The following FMO3 variants were observed in gnomAD, a reference collection of about 807,000 sequenced individuals.
FMO3 encodes the protein flavin-containing monooxygenase 3.
FMO3 carries 40 observed loss-of-function variants against 39.4 expected under a neutral mutation model. The observed-to-expected ratio is 1.02, with a 90% CI of 0.79 to 1.32. The LOEUF (loss-of-function observed/expected upper bound fraction) is 1.32. FMO3 is among the 40% of genes most tolerant of loss of function. The pLI is 0.00. For missense variants in FMO3, 680 were observed against 651.8 expected (o/e 1.04, Z -0.47); for synonymous variants, 219 against 228.8 (o/e 0.96, Z 0.39).
rs1440068166 is a variant in FMO3, at chr1:171,114,048, C to T, written c.869C>T (p.Ala290Val). ...CCTGTATTTAACGATGAGCTCCCAG[C>T]AAGCATTCTGTGTGGCATTGTGTCC... The part of the protein sequence containing the change: ...KEPVFNDELP[A>V]SILCGIVSVK... Residue 290 changes from alanine (A) to valine (V), a missense_variant, in exon 7 of 9, where the codon GCA becomes GTA. By Grantham distance (64) the Ala-to-Val change is moderately conservative (BLOSUM62 0). Coordinates refer to ENST00000367755, the MANE Select transcript of FMO3 (RefSeq NM_001002294.3). The T allele has an allele frequency of 6.2e-7, 1 of 1,612,294 alleles. No individual in the cohort carries two copies. Among genetic ancestry groups the T allele is most frequent in the African/African-American group, 1.3e-5 (1 of 74,792 alleles).
Position 171,107,893 on chromosome 1 carries a change from T to C in FMO3, c.484+56T>C. ...TAACTGACAAAAATGAATATCTTGA[T>C]AATGTCTTCTTTTTTCTAAAAGTAT... On this transcript the variant is annotated intron_variant, in intron 4 of 8. Coordinates refer to ENST00000367755, the MANE Select transcript of FMO3 (RefSeq NM_001002294.3). 3 of 1,540,096 alleles carry C rather than the reference T, an allele frequency of 1.9e-6. No individual in the cohort carries two copies. In the Admixed American group the frequency reaches 5.1e-5, roughly 26 times the overall value.
intron 8 of FMO3, 111 bp from the exon 9 acceptor site, chr1:171,116,989 G>T (rs1236420595): frequency 2.4e-6 from 2 of 822,462 alleles, no homozygotes; most frequent in Non-Finnish European, 4.2e-6. Flanking sequence ...TTTAGAAAGA[G>T]AGAGAGATTG....
At chr1:171,107,432 C>T (rs1426566539) in intron 3 of FMO3, among the ~76,000 whole-genome samples, 1 of 152,104 alleles carries the variant, frequency 6.6e-6, no homozygotes, top group African/African-American at 2.4e-5. Flanking sequence ...AATTCACTGC[C>T]ATATCTCCAA....
At position 171,111,053 on chromosome 1, in the gene FMO3, C is replaced by T. The variant is rs915756249; in HGVS notation, c.827+56C>T. On this transcript the variant is annotated intron_variant, in intron 6 of 8. Transcript: ENST00000367755. ...TGGCTTTTAGTTCAGTGTCAACAAC[C>T]CTTAATGTCCTGTAAGCCCAAAACA... 1.8e-5 allele frequency: 25 copies of T among 1,376,926 alleles called. No individual in the cohort carries two copies. The East Asian group carries it at 4.6e-4, about 25-fold the overall frequency. The allele number at this position is 1,376,926 out of a possible 1,614,324, so 85.3% of individuals were successfully genotyped here.
At chr1:171,098,318 T>C (rs1432113000) in intron 2 of FMO3, among the ~76,000 whole-genome samples, 5 of 152,224 alleles carry the variant, frequency 3.3e-5, no homozygotes, top group Non-Finnish European at 7.3e-5. Flanking sequence ...TTTTTTCAAT[T>C]ATGTGAAGAA....
At position 171,116,255 on chromosome 1, in the gene FMO3, G is replaced by A. The variant is rs1464657042; in HGVS notation, c.1231G>A (p.Glu411Lys). The change falls in exon 8 of 9, where the codon GAG becomes AAG. Residue 411 changes from glutamate to lysine, a missense_variant. Coordinates refer to ENST00000367755, the MANE Select transcript of FMO3 (RefSeq NM_001002294.3). The part of the protein sequence containing the change: ...SMEDMMNDIN[E>K]KMEKKRKWFG... ...GGAAGACATGATGAATGATATTAAT[G>A]AGAAAATGGAGAAAAAGCGCAAATG... 4.4e-6 allele frequency: 7 copies of A among 1,599,462 alleles called. No homozygotes were observed. The highest frequency in any genetic ancestry group is 5.1e-6 in the Non-Finnish European group (6 of 1,167,178).
chr1:171,107,786 G>C lies in FMO3; in HGVS notation c.433G>C (p.Val145Leu). 6.2e-7 allele frequency: 1 copy of C among 1,613,922 alleles called. No homozygotes were observed. Among genetic ancestry groups the C allele is most frequent in the Non-Finnish European group, 8.5e-7 (1 of 1,179,908 alleles). ...KESAVFDAVM[V>L]CSGHHVYPNL... ...ATCGGCTGTCTTTGATGCTGTAATG[G>C]TTTGTTCCGGACATCATGTGTATCC... The change falls in exon 4 of 9, where the codon GTT becomes CTT. Residue 145 changes from valine (V) to leucine (L), a missense_variant. Val to Leu is a conservative substitution (Grantham distance 32). Coordinates refer to ENST00000367755, the MANE Select transcript of FMO3 (RefSeq NM_001002294.3).
At chr1:171,097,835 CT>C (rs1655177664) in intron 2 of FMO3, among the ~76,000 whole-genome samples, 1 of 151,964 alleles carries the variant, frequency 6.6e-6, no homozygotes, top group African/African-American at 2.4e-5. Flanking sequence ...GTTGCCATTG[CT>C]TTTGGTATTT....
chr1:171,117,215 G>T lies in FMO3; in HGVS notation c.1372G>T (p.Ala458Ser). 1 of 1,614,128 alleles carries T rather than the reference G, an allele frequency of 6.2e-7. No individual in the cohort carries two copies. The highest frequency in any genetic ancestry group is 1.3e-5 in the African/African-American group (1 of 75,046). Residue 458 changes from alanine to serine, a missense_variant, in exon 9 of 9, where the codon GCC becomes TCC. Ala to Ser is a moderately conservative substitution (Grantham distance 99). Transcript: ENST00000367755. ...GCTGTTTCTCACAGATCCCAAATTG[G>T]CCATGGAAGTTTATTTTGGCCCTTG... Reference protein sequence around the residue: ...PWLFLTDPKLAMEVYFGPCSP... With the variant: ...PWLFLTDPKLSMEVYFGPCSP...
Position 171,092,737 on chromosome 1 carries a change from G to A in FMO3, c.79G>A (p.Glu27Lys), listed in dbSNP as rs1654772219. 6.2e-7 allele frequency: 1 copy of A among 1,613,982 alleles called. No homozygotes were observed. Among genetic ancestry groups the A allele is most frequent in the African/African-American group, 1.3e-5 (1 of 74,920 alleles). The change falls in exon 2 of 9, where the codon GAG becomes AAG. Residue 27 changes from glutamate to lysine, a missense_variant. Glu to Lys is a moderately conservative substitution (Grantham distance 56). Transcript: ENST00000367755. ...CAGGAGCTGTCTGGAAGAGGGGCTG[G>A]AGCCCACCTGCTTTGAGAAGAGCAA... ...SIRSCLEEGL[E>K]PTCFEKSNDI...
chr1:171,096,823 G>T (rs1217396042), intron 2 of FMO3, among the ~76,000 whole-genome samples: 1 of 137,644 alleles, frequency 7.3e-6, no homozygotes, highest in Non-Finnish European at 1.5e-5. Flanking sequence ...AAGTTCTAGG[G>T]TACATGTGCA....
rs1654972217 is a variant in FMO3, at chr1:171,096,012, C to CA, written c.132+3223dup. ...TTATATATTTTTATATATTAATATA[C>CA]ATATTATATATTAATATATAATATA... On this transcript the variant is annotated intron_variant, in intron 2 of 8. Coordinates refer to ENST00000367755, the MANE Select transcript of FMO3 (RefSeq NM_001002294.3). 1.4e-4 allele frequency among the ~76,000 whole-genome samples: 4 copies of CA among 28,768 alleles called. No individual in the cohort carries two copies. The East Asian group carries it at 3.6e-3, about 26-fold the overall frequency. The allele number at this position is 28,768 out of a possible 152,430, so 18.9% of individuals were successfully genotyped here.
intron 5 of FMO3, 60 bp from the exon 6 acceptor site, chr1:171,110,738 T>G: frequency 6.8e-7 from 1 of 1,478,594 alleles, no homozygotes; most frequent in Non-Finnish European, 9.5e-7. Context: ...TCTGGGGTGC[T>G]CACCAGAATA....
At chr1:171,094,451 A>G (rs1033666620) in intron 2 of FMO3, among the ~76,000 whole-genome samples, 2 of 152,088 alleles carry the variant, frequency 1.3e-5, no homozygotes, top group African/African-American at 2.4e-5. Context: ...TCTTTATGCG[A>G]AAAAGATTTT....
At chr1:171,095,631 A>T (rs1654920374) in intron 2 of FMO3, among the ~76,000 whole-genome samples, 1 of 150,204 alleles carries the variant, frequency 6.7e-6, no homozygotes, top group Non-Finnish European at 1.5e-5. Context: ...AAATATTATA[A>T]AGACATGAGA....
chr1:171,102,797 C>T (rs1299664617), intron 2 of FMO3, among the ~76,000 whole-genome samples: 1 of 152,134 alleles, frequency 6.6e-6, no homozygotes, highest in Non-Finnish European at 1.5e-5. Flanking sequence ...TTCATCATCA[C>T]TTAACATTTC....
intron 2 of FMO3, among the ~76,000 whole-genome samples, chr1:171,096,686 ATAAT>A (rs1218309898): frequency 2.9e-5 from 4 of 136,488 alleles, no homozygotes; most frequent in Non-Finnish European, 4.6e-5. Context: ...TATTTAAAAT[ATAAT>A]TAATATAATT....
chr1:171,096,072 T>TATATATTATATATA (rs1655007357), intron 2 of FMO3, among the ~76,000 whole-genome samples: 23 of 50,612 alleles, frequency 4.5e-4, no homozygotes, highest in Admixed American at 1.1e-3. Context: ...TATTATATAT[T>TATATATTATATATA]AATATATAAT....
At chr1:171,093,867 C>G (rs1166016592) in intron 2 of FMO3, among the ~76,000 whole-genome samples, 1 of 120,860 alleles carries the variant, frequency 8.3e-6, no homozygotes. Context: ...GGGAGTCTCA[C>G]TCTGTCTCCC....
Sources: allele counts gnomAD v4.1 joint callset (sites outside exome capture counted in the v4.1 genomes callset), GRCh38; gene constraint gnomAD v4.1.1; transcripts MANE v1.5; gene names NCBI Gene and HGNC (gene_info 2026-07-23, HGNC 2026-07-21).